SASS6: variants seen among roughly 807,000 people sequenced by gnomAD.
SASS6 encodes the protein spindle assembly abnormal protein 6 homolog.
A neutral mutation model predicts 94.9 loss-of-function variants in SASS6; 59 were observed. The observed-to-expected ratio is 0.62, with a 90% confidence interval of 0.50 to 0.77. The LOEUF is 0.77. SASS6 is among the 30% of genes least tolerant of loss of function. SASS6 has a pLI of 0.00. For missense variants in SASS6, 698 were observed against 734.1 expected, an observed-to-expected ratio of 0.95 and a Z score of 0.57; for synonymous variants, 264 against 270.0, an observed-to-expected ratio of 0.98 and a Z score of 0.22.
intron 14 of SASS6, among the ~76,000 whole-genome samples, chr1:100,092,580 G>T (rs1273189160): frequency 2.0e-5 from 3 of 151,820 alleles, no homozygotes; most frequent in Non-Finnish European, 2.9e-5. Flanking sequence ...GTGTTTTTTT[G>T]TTTGTTTGTT....
chr1:100,104,578 G>T (rs1472467120), intron 13 of SASS6, among the ~76,000 whole-genome samples: 1 of 151,966 alleles, frequency 6.6e-6, no homozygotes, highest in East Asian at 1.9e-4. Flanking sequence ...CCCTGCCTCA[G>T]TCTCCCGAGT....
chr1:100,124,941 G>A (rs955652043), intron 2 of SASS6, among the ~76,000 whole-genome samples: 48 of 152,080 alleles, frequency 3.2e-4, no homozygotes, highest in African/African-American at 1.1e-3. Context: ...ATCGTAGGAG[G>A]TTACACTCGC....
chr1:100,107,014 C>A, intron 11 of SASS6, 21 bp from the exon 12 acceptor site: 2 of 1,005,002 alleles, frequency 2.0e-6, no homozygotes, highest in Admixed American at 2.0e-5. Flanking sequence ...TCAATCATCA[C>A]AATAAGTCAA....
At chr1:100,095,029 A>G (rs376938049) in intron 14 of SASS6, among the ~76,000 whole-genome samples, 7 of 152,358 alleles carry the variant, frequency 4.6e-5, no homozygotes, top group African/African-American at 1.4e-4. Flanking sequence ...CCACATGACC[A>G]TATCAATTGA....
At chr1:100,091,266 C>T (rs1651660103) in intron 14 of SASS6, among the ~76,000 whole-genome samples, 1 of 152,110 alleles carries the variant, frequency 6.6e-6, no homozygotes, top group Non-Finnish European at 1.5e-5. Context: ...CACTATCCTC[C>T]AGCCTGGGCA....
chr1:100,096,431 A>G (rs1036717236), intron 14 of SASS6, among the ~76,000 whole-genome samples: 1 of 152,248 alleles, frequency 6.6e-6, no homozygotes, highest in Non-Finnish European at 1.5e-5. Context: ...AAACTATAAA[A>G]GTTGTAGAAG....
rs758977548 is a variant in SASS6, at chr1:100,105,767, C to T, written c.1545G>A (p.Val515=). 1.9e-6 allele frequency: 3 copies of T among 1,609,736 alleles called. No individual in the cohort carries two copies. Among genetic ancestry groups the T allele is most frequent in the Non-Finnish European group, 8.5e-7 (1 of 1,178,576 alleles). The change falls in exon 13 of 17, where the codon GTG becomes GTA. Residue 515 remains valine (V), a splice_region_variant and synonymous_variant. Transcript: ENST00000287482. ...ACTCACATCTTGTTTTAAATCTTAC[C>T]ACATTCAGGTTAGGAGAAATTCCAC... ...IRSGISPNLN[V]VDGRLTYPTC... is the part of the protein sequence containing the mutation.
intron 8 of SASS6, among the ~76,000 whole-genome samples, chr1:100,108,790 C>T (rs963564943): frequency 6.6e-6 from 1 of 152,124 alleles, no homozygotes; most frequent in African/African-American, 2.4e-5. Flanking sequence ...TCTCAGTTCC[C>T]TCATTTGTAA....
At chr1:100,116,423 A>G (rs1448146799) in intron 7 of SASS6, among the ~76,000 whole-genome samples, 1 of 152,232 alleles carries the variant, frequency 6.6e-6, no homozygotes, top group Non-Finnish European at 1.5e-5. Flanking sequence ...ACATACCCAT[A>G]GAATGGCAAT....
chr1:100,083,812 A>C lies in SASS6; in HGVS notation c.*1516T>G, dbSNP rs1441887371. 6.6e-6 allele frequency: 1 copy of C among 151,980 alleles called. No homozygotes were observed. Among genetic ancestry groups the C allele is most frequent in the Non-Finnish European group, 1.5e-5 (1 of 67,908 alleles). The allele number at this position is 151,980 out of a possible 1,614,324, so 9.4% of individuals were successfully genotyped here. A position where few individuals can be genotyped will look rare whatever the true frequency, so the allele number is the denominator to read the frequency against. Reference sequence around the variant, plus strand: ...CTTGTGTATATATATGCAAAGAGATACCTATATTTTAAAAAAGAGAGCTAC... The same window carrying C: ...CTTGTGTATATATATGCAAAGAGATCCCTATATTTTAAAAAAGAGAGCTAC... On this transcript the variant is annotated 3_prime_UTR_variant, in exon 17 of 17. Coordinates refer to ENST00000287482, the MANE Select transcript of SASS6 (RefSeq NM_194292.3).
intron 7 of SASS6, among the ~76,000 whole-genome samples, chr1:100,112,782 G>T (rs1653444786): frequency 6.6e-6 from 1 of 152,184 alleles, no homozygotes; most frequent in South Asian, 2.1e-4. Flanking sequence ...CCTCTGAACA[G>T]AATAATCGGT....
intron 14 of SASS6, among the ~76,000 whole-genome samples, chr1:100,102,743 A>G (rs1292270010): frequency 6.6e-6 from 1 of 151,932 alleles, no homozygotes; most frequent in African/African-American, 2.4e-5. Flanking sequence ...TGATGTCAAG[A>G]TTTTAGAAAT....
At chr1:100,114,585 G>A (rs1169532805) in intron 7 of SASS6, among the ~76,000 whole-genome samples, 3 of 151,736 alleles carry the variant, frequency 2.0e-5, no homozygotes, top group South Asian at 4.2e-4. Flanking sequence ...AGGCCTGGTG[G>A]TCTGTATCTG....
Position 100,107,508 on chromosome 1 carries a change from T to C in SASS6, c.1192A>G (p.Met398Val). The C allele has an allele frequency of 6.2e-7, 1 of 1,608,422 alleles. No individual in the cohort carries two copies. Among genetic ancestry groups the C allele is most frequent in the Non-Finnish European group, 8.5e-7 (1 of 1,175,968 alleles). ...KKLQGDLKTL[M>V]GKLKLKNTVT... ...GTATTCTTCAATTTCAACTTACCCA[T>C]TAAAGTTTTCAGATCCCCTTGTAAC... The change falls in exon 11 of 17, where the codon ATG becomes GTG. Residue 398 changes from methionine to valine, a missense_variant. Coordinates refer to ENST00000287482, the MANE Select transcript of SASS6 (RefSeq NM_194292.3).
Position 100,119,147 on chromosome 1 carries a change from A to C in SASS6, c.550-10T>G, listed in dbSNP as rs767833975. On this transcript the variant is annotated splice_polypyrimidine_tract_variant and intron_variant, in intron 6 of 16. Coordinates refer to ENST00000287482, the MANE Select transcript of SASS6 (RefSeq NM_194292.3). ...TTTTTTCTGCTAATGTCTACATTAG[A>C]GTTTAACACAAAATATTAAGATAGG... 11 of 1,452,146 alleles carry C rather than the reference A, an allele frequency of 7.6e-6. No homozygotes were observed. In the East Asian group the frequency reaches 2.3e-4, roughly 31 times the overall value. The allele number at this position is 1,452,146 out of a possible 1,614,324, so 90.0% of individuals were successfully genotyped here. A position where few individuals can be genotyped will look rare whatever the true frequency, so the allele number is the denominator to read the frequency against.
chr1:100,130,514 CTT>C (rs1654925719), intron 1 of SASS6, among the ~76,000 whole-genome samples: 1 of 152,034 alleles, frequency 6.6e-6, no homozygotes, highest in Non-Finnish European at 1.5e-5. Flanking sequence ...GACCCCGTCT[CTT>C]TTAAATTAAA....
At chr1:100,113,005 A>C (rs980566326) in intron 7 of SASS6, among the ~76,000 whole-genome samples, 2 of 152,246 alleles carry the variant, frequency 1.3e-5, no homozygotes, top group Non-Finnish European at 2.9e-5. Flanking sequence ...ATCCTATCAG[A>C]AAGTGCAATA....
At chr1:100,099,123 G>C (rs1437452491) in intron 14 of SASS6, 1 of 152,122 alleles carries the variant, frequency 6.6e-6, no homozygotes, top group Non-Finnish European at 1.5e-5. Context: ...GAATCAGATG[G>C]TTAACCCAAC....
chr1:100,086,067 A>ATT (rs1651226848), intron 15 of SASS6, among the ~76,000 whole-genome samples: 1 of 144,586 alleles, frequency 6.9e-6, no homozygotes, highest in Non-Finnish European at 1.5e-5. Context: ...ATTAACACAC[A>ATT]TTACACAATA....
Sources: allele counts gnomAD v4.1 joint callset (sites outside exome capture counted in the v4.1 genomes callset), GRCh38; gene constraint gnomAD v4.1.1; transcripts MANE v1.5; gene names NCBI Gene and HGNC (gene_info 2026-07-23, HGNC 2026-07-21).